The following ARHGEF12 variants were observed in gnomAD, a reference collection of about 807,000 sequenced individuals.
ARHGEF12 encodes the protein Rho guanine nucleotide exchange factor 12.
In ARHGEF12, 66 loss-of-function variants were observed where a neutral mutation model predicts 211.2. The ratio of observed to expected loss-of-function variants is 0.31; its 90% CI spans 0.26 to 0.38. The LOEUF is 0.38. ARHGEF12 is among the 10% of genes least tolerant of loss of function. ARHGEF12 has a pLI of 1.00. For missense variants in ARHGEF12, 1,429 were observed against 1,869.5 expected (o/e 0.76, Z 4.34); for synonymous variants, 592 against 638.4 (o/e 0.93, Z 1.09).
Position 120,476,731 on chromosome 11 carries a change from A to G in ARHGEF12, c.3348A>G (p.Thr1116=). 6.2e-7 allele frequency: 1 copy of G among 1,612,620 alleles called. No individual in the cohort carries two copies. Among genetic ancestry groups the G allele is most frequent in the Non-Finnish European group, 8.5e-7 (1 of 1,179,158 alleles). ...AGATTTATGAACTGGTGGCACAGAC[A>G]GTTTCTGAAAAGACTGTGTATGTAT... ...GAQIYELVAQ[T]VSEKTVWQDL... Residue 1116 remains threonine (T), a synonymous_variant, in exon 34 of 41, where the codon ACA becomes ACG. Coordinates refer to ENST00000397843, the MANE Select transcript of ARHGEF12 (RefSeq NM_015313.3).
intron 13 of ARHGEF12, 101 bp from the exon 14 acceptor site, chr11:120,441,606 G>T: frequency 1.2e-6 from 1 of 813,848 alleles, no homozygotes; most frequent in Non-Finnish European, 1.9e-6. Flanking sequence ...TTTTTATAGG[G>T]AGATCAAAGT....
chr11:120,373,512 A>G (rs1943644379), intron 1 of ARHGEF12, among the ~76,000 whole-genome samples: 1 of 152,250 alleles, frequency 6.6e-6, no homozygotes, highest in African/African-American at 2.4e-5. Flanking sequence ...CACATAATAG[A>G]TGCTCAATAC....
At position 120,376,264 on chromosome 11, in the gene ARHGEF12, A is replaced by G. The variant is rs541975897; in HGVS notation, c.33-29854A>G. Among the ~76,000 whole-genome samples, 7 of 152,108 alleles carry G rather than the reference A, an allele frequency of 4.6e-5. No homozygotes were observed. In the South Asian group the frequency reaches 1.5e-3, roughly 32 times the overall value. ...TAATGTGTTCAGAGTTGAGAATTAG[A>G]TTTTTTAAATGTTCAGATTGTATTT... On this transcript the variant is annotated intron_variant, in intron 1 of 40. Transcript: ENST00000397843.
chr11:120,483,814 C>T (rs913428768), intron 39 of ARHGEF12, among the ~76,000 whole-genome samples: 26 of 152,092 alleles, frequency 1.7e-4, no homozygotes, highest in Non-Finnish European at 5.9e-5. Flanking sequence ...CGGGGTTTCA[C>T]CATGTTAGCC....
chr11:120,481,215 A>T, intron 38 of ARHGEF12, 45 bp from the exon 39 acceptor site: 1 of 1,555,110 alleles, frequency 6.4e-7, no homozygotes, highest in Non-Finnish European at 8.9e-7. Context: ...TCTGTTTTCT[A>T]ATGGCAGCAC....
At chr11:120,457,421 G>C in intron 23 of ARHGEF12, 171 bp downstream of exon 23, 1 of 732,430 alleles carries the variant, frequency 1.4e-6, no homozygotes, top group Non-Finnish European at 2.0e-6. Flanking sequence ...TTAAACTCAG[G>C]AGTTTGAGAC....
intron 10 of ARHGEF12, 126 bp from the exon 11 acceptor site, chr11:120,431,645 T>C: frequency 1.0e-6 from 1 of 982,928 alleles, no homozygotes; most frequent in Middle Eastern, 3.4e-4. Context: ...TACTTGAGCA[T>C]ATCAGAATGT....
At chr11:120,363,754 T>G (rs1943343275) in intron 1 of ARHGEF12, among the ~76,000 whole-genome samples, 1 of 152,194 alleles carries the variant, frequency 6.6e-6, no homozygotes, top group South Asian at 2.1e-4. Flanking sequence ...GGACTTCATG[T>G]TGATCAAGTG....
chr11:120,460,182 T>C (rs1007332934), intron 26 of ARHGEF12, among the ~76,000 whole-genome samples: 3 of 152,224 alleles, frequency 2.0e-5, no homozygotes, highest in African/African-American at 7.2e-5. Context: ...TTTTTATCTT[T>C]CTTTTTCATG....
rs560379057 is a variant in ARHGEF12, at chr11:120,447,362, A to G, written c.1589+277A>G. The G allele has an allele frequency of 2.7e-4, 88 of 329,248 alleles. No individual in the cohort carries two copies. In the East Asian group the frequency reaches 4.9e-3, roughly 18 times the overall value. The allele number at this position is 329,248 out of a possible 1,614,324, so 20.4% of individuals were successfully genotyped here. A position where few individuals can be genotyped will look rare whatever the true frequency, so the allele number is the denominator to read the frequency against. ...TGATTACTTTCATTATTTTCAATTT[A>G]TAGGCCTTGGAAATATTTCTTGCCA... On this transcript the variant is annotated intron_variant, in intron 18 of 40. Coordinates refer to ENST00000397843, the MANE Select transcript of ARHGEF12 (RefSeq NM_015313.3).
intron 1 of ARHGEF12, among the ~76,000 whole-genome samples, chr11:120,405,726 T>A (rs1248358783): frequency 6.6e-6 from 1 of 152,212 alleles, no homozygotes; most frequent in African/African-American, 2.4e-5. Context: ...TGTCTTGATT[T>A]TTAAAAATCT....
intron 7 of ARHGEF12, among the ~76,000 whole-genome samples, chr11:120,426,864 TTTTTTGTTTTTG>T (rs148913679): frequency 0.21 from 31,593 of 151,474 alleles, 3,617 homozygotes; most frequent in African/African-American, 0.29. Context: ...TATGGTGTTT[TTTTTTGTTTTTG>T]TTTTTGTTTT....
At chr11:120,456,965 A>T in intron 22 of ARHGEF12, 153 bp from the exon 23 acceptor site, 1 of 614,096 alleles carries the variant, frequency 1.6e-6, no homozygotes, top group South Asian at 2.4e-5. Context: ...ATAATTTTGT[A>T]TATTAAATTT....
chr11:120,409,653 A>G (rs914908674), intron 4 of ARHGEF12: 2 of 509,304 alleles, frequency 3.9e-6, no homozygotes, highest in African/African-American at 3.9e-5. Context: ...GTTGCTAGAA[A>G]CTAACATTGT....
chr11:120,379,472 G>A (rs1021730444), intron 1 of ARHGEF12, among the ~76,000 whole-genome samples: 1 of 150,706 alleles, frequency 6.6e-6, no homozygotes, highest in African/African-American at 2.4e-5. Context: ...TCTTTTCATT[G>A]TTCTCAATCT....
At chr11:120,461,544 G>A (rs1203767339) in intron 27 of ARHGEF12, among the ~76,000 whole-genome samples, 2 of 152,046 alleles carry the variant, frequency 1.3e-5, no homozygotes, top group African/African-American at 4.8e-5. Context: ...AACAATCATT[G>A]GCTTCAACTT....
chr11:120,458,249 T>TGTG lies in ARHGEF12; in HGVS notation c.2380+15_2380+16insGTG, dbSNP rs1946424135. The stretch of plus-strand genomic sequence containing the variant: ...AGTGATTAATGGTGAGTGTAATCAA[T>TGTG]TTGTTGTTGTTGTTTACAAATACTG... On this transcript the variant is annotated intron_variant, in intron 25 of 40. Transcript: ENST00000397843. 6.2e-7 allele frequency: 1 copy of TGTG among 1,612,546 alleles called. No homozygotes were observed. Among genetic ancestry groups the TGTG allele is most frequent in the African/African-American group, 1.3e-5 (1 of 74,814 alleles).
intron 1 of ARHGEF12, among the ~76,000 whole-genome samples, chr11:120,402,048 G>C (rs1944560164): frequency 6.6e-6 from 1 of 152,130 alleles, no homozygotes; most frequent in African/African-American, 2.4e-5. Context: ...GGTATAGGTA[G>C]ATGTATTAGT....
intron 1 of ARHGEF12, among the ~76,000 whole-genome samples, chr11:120,387,452 T>C (rs1944072172): frequency 6.6e-6 from 1 of 152,128 alleles, no homozygotes; most frequent in Non-Finnish European, 1.5e-5. Context: ...ACTTGTATAG[T>C]ACATTGGCAA....
Sources: gnomAD v4.1 joint callset for allele counts (sites outside exome capture counted in the v4.1 genomes callset) on GRCh38, gnomAD v4.1.1 for gene constraint, MANE v1.5 for transcripts, NCBI Gene and HGNC (gene_info 2026-07-23, HGNC 2026-07-21) for gene names.